The following ANXA8 variants were observed in gnomAD, a reference collection of about 807,000 sequenced individuals.
ANXA8 encodes VAC-beta.
ANXA8 carries 9 observed loss-of-function variants against 26.8 expected under a neutral mutation model. The observed-to-expected ratio is 0.34, with a 90% CI of 0.20 to 0.59. The LOEUF (loss-of-function observed/expected upper bound fraction) is 0.59, where lower values mean the gene tolerates loss of function less well. Among genes scored for constraint, ANXA8 ranks in the 20% least tolerant of loss-of-function variants. The pLI is 0.84. For synonymous variants in ANXA8, 39 were observed against 94.8 expected (o/e 0.41, Z 3.42); for missense variants, 83 against 238.5 (o/e 0.35, Z 4.29).
the ANXA8 span, among the ~76,000 whole-genome samples, chr10:47,707,015 C>T: frequency 2.1e-5 from 3 of 142,708 alleles, no homozygotes; most frequent in African/African-American, 7.3e-5. Context: ...AGAATTTTAT[C>T]GGCATTAATT....
the ANXA8 span, among the ~76,000 whole-genome samples, chr10:47,546,150 G>T: frequency 7.5e-6 from 1 of 133,492 alleles, no homozygotes; most frequent in African/African-American, 2.7e-5. Flanking sequence ...GGAAGAAAGT[G>T]ATAATCAATG....
chr10:47,496,337 T>G, the ANXA8 span: 7 of 151,774 alleles, frequency 4.6e-5, no homozygotes, highest in African/African-American at 1.7e-4. Context: ...ATAATGTCCA[T>G]TTATTCCTCC....
the ANXA8 span, among the ~76,000 whole-genome samples, chr10:47,666,682 T>C: frequency 2.6e-5 from 4 of 151,884 alleles, no homozygotes; most frequent in Non-Finnish European, 4.4e-5. Context: ...CTCAGTACCT[T>C]ATTTCCCATA....
chr10:47,587,530 C>T, the ANXA8 span, among the ~76,000 whole-genome samples: 656 of 146,792 alleles, frequency 4.5e-3, 15 homozygotes, highest in East Asian at 0.031. Context: ...TCACAACAAT[C>T]GTCTGAAAGA....
chr10:47,493,654 C>T, the ANXA8 span, among the ~76,000 whole-genome samples: 1 of 151,218 alleles, frequency 6.6e-6, no homozygotes, highest in South Asian at 2.1e-4. Flanking sequence ...GTTGTCAGAG[C>T]TCATCCACAC....
the ANXA8 span, among the ~76,000 whole-genome samples, chr10:47,639,058 G>T: frequency 6.7e-6 from 1 of 150,312 alleles, no homozygotes; most frequent in Admixed American, 6.6e-5. Flanking sequence ...ATAGAAAAAT[G>T]AGTGCTGTAT....
the ANXA8 span, among the ~76,000 whole-genome samples, chr10:47,749,413 T>C: frequency 1.3e-5 from 2 of 151,170 alleles, no homozygotes; most frequent in South Asian, 4.2e-4. Flanking sequence ...TGAATACAAA[T>C]GAATATTGAC....
the ANXA8 span, among the ~76,000 whole-genome samples, chr10:47,714,221 A>T: frequency 1.8e-5 from 2 of 108,492 alleles, no homozygotes; most frequent in Non-Finnish European, 3.6e-5. Context: ...TAATAAGACA[A>T]GAAAGCTATT....
chr10:47,656,450 CTAT>C, the ANXA8 span, among the ~76,000 whole-genome samples: 1 of 146,600 alleles, frequency 6.8e-6, no homozygotes, highest in Non-Finnish European at 1.5e-5. Flanking sequence ...ATGGAATTCT[CTAT>C]TGTTTCGAAG....
intron 6 of ANXA8, 57 bp from the exon 7 acceptor site, chr10:47,475,061 C>T (rs1183756302): frequency 2.6e-6 from 4 of 1,525,612 alleles, no homozygotes; most frequent in African/African-American, 1.4e-5. Context: ...GCATTAAGGG[C>T]ACAGGGGGGA....
At chr10:47,959,267 T>C in the ANXA8 span, among the ~76,000 whole-genome samples, 1 of 147,070 alleles carries the variant, frequency 6.8e-6, no homozygotes, top group Non-Finnish European at 1.5e-5. Context: ...GCATGACCTG[T>C]AGGTAACGTT....
the ANXA8 span, among the ~76,000 whole-genome samples, chr10:47,621,694 C>G: frequency 4.2e-3 from 448 of 106,532 alleles, 77 homozygotes; most frequent in African/African-American, 0.016. Context: ...CCTGGCTGCT[C>G]TGACTTCCAT....
the ANXA8 span, among the ~76,000 whole-genome samples, chr10:47,940,654 A>G: frequency 3.5e-3 from 522 of 147,862 alleles, 2 homozygotes; most frequent in South Asian, 0.015. Flanking sequence ...ATGGTGAAAC[A>G]CCGTCTCTAC....
chr10:47,646,379 C>T, the ANXA8 span, among the ~76,000 whole-genome samples: 38 of 142,748 alleles, frequency 2.7e-4, no homozygotes, highest in African/African-American at 1.0e-3. Context: ...GTAGAGCAAG[C>T]AAACTAAATG....
At chr10:47,540,431 C>T in the ANXA8 span, among the ~76,000 whole-genome samples, 1,932 of 124,592 alleles carry the variant, frequency 0.016, 273 homozygotes, top group African/African-American at 0.052. Flanking sequence ...AGGAATAACC[C>T]TTAAAAAAAA....
the ANXA8 span, chr10:47,553,632 A>C: frequency 1.3e-5 from 2 of 159,956 alleles, no homozygotes; most frequent in Non-Finnish European, 3.0e-5. Flanking sequence ...AAGACTCGTC[A>C]ACGGCCGAGT....
the ANXA8 span, among the ~76,000 whole-genome samples, chr10:47,988,866 T>A: frequency 6.6e-6 from 1 of 151,756 alleles, no homozygotes; most frequent in Non-Finnish European, 1.5e-5. Context: ...GTTGAAAGCC[T>A]GCTATCTACT....
chr10:47,647,732 A>T, the ANXA8 span, among the ~76,000 whole-genome samples: 1 of 151,158 alleles, frequency 6.6e-6, no homozygotes, highest in East Asian at 1.9e-4. Context: ...TGCGAAATCT[A>T]AAAGAAAATA....
chr10:47,605,789 T>C, the ANXA8 span, among the ~76,000 whole-genome samples: 1 of 148,710 alleles, frequency 6.7e-6, no homozygotes, highest in African/African-American at 2.5e-5. Flanking sequence ...AGACACAAGA[T>C]GATGATGAAA....
Sources: gnomAD v4.1 joint callset for allele counts (sites outside exome capture counted in the v4.1 genomes callset) on GRCh38, gnomAD v4.1.1 for gene constraint, MANE v1.5 for transcripts, NCBI Gene and HGNC (gene_info 2026-07-23, HGNC 2026-07-21) for gene names.